The following PCDHGB1 variants were observed in gnomAD, a reference collection of about 807,000 sequenced individuals.
The protein encoded by PCDHGB1 is protocadherin gamma subfamily B, 1.
In PCDHGB1, 34 loss-of-function variants were observed where a neutral mutation model predicts 56.6. That is an observed-to-expected ratio of 0.60 (90% CI 0.46 to 0.80). PCDHGB1 has a LOEUF of 0.80. Among genes scored for constraint, PCDHGB1 ranks in the 30% least tolerant of loss-of-function variants. The pLI is 0.00. For synonymous variants in PCDHGB1, 561 were observed against 505.9 expected (o/e 1.11, Z -1.46); for missense variants, 1,278 against 1,204.6 (o/e 1.06, Z -0.90).
chr5:141,356,312 T>A (rs956800097), intron 1 of PCDHGB1: 4 of 1,554,200 alleles, frequency 2.6e-6, no homozygotes, highest in Middle Eastern at 1.7e-4. Flanking sequence ...CTTTTCAACG[T>A]GCATGACAGT....
chr5:141,441,800 G>T, intron 1 of PCDHGB1: 1 of 382,594 alleles, frequency 2.6e-6, no homozygotes, highest in Non-Finnish European at 5.2e-6. Flanking sequence ...ACGCACCGCG[G>T]GTGCTGTACC....
chr5:141,472,750 C>T (rs967243815), intron 1 of PCDHGB1, among the ~76,000 whole-genome samples: 3 of 151,882 alleles, frequency 2.0e-5, no homozygotes, highest in Non-Finnish European at 2.9e-5. Context: ...CTTTGGGAGG[C>T]GGAGGCTGGC....
intron 1 of PCDHGB1, chr5:141,375,586 G>A: frequency 6.2e-7 from 1 of 1,614,128 alleles, no homozygotes; most frequent in Non-Finnish European, 8.5e-7. Flanking sequence ...GGGCGCCCCT[G>A]TCCTCCTACG....
chr5:141,423,758 G>GGGT, intron 1 of PCDHGB1: 1 of 366,842 alleles, frequency 2.7e-6, no homozygotes, highest in Non-Finnish European at 3.8e-6. Context: ...TTTGGGGGGG[G>GGGT]GGTGGGGCGG....
Position 141,486,862 on chromosome 5 carries a change from A to G in PCDHGB1, c.2410-7945A>G. The G allele has an allele frequency of 6.2e-7, 1 of 1,614,256 alleles. No individual in the cohort carries two copies. The highest frequency in any genetic ancestry group is 1.3e-5 in the African/African-American group (1 of 75,078). On this transcript the variant is annotated intron_variant, in intron 1 of 3. Transcript: ENST00000523390. This position sits in a 1 kb window ranked among gnomAD's most constrained non-coding sequence, Gnocchi z 5.0. Reference sequence around the variant, plus strand: ...TGCTGGACCTCAATGACAATGCTCCAGCTGTGCTCCGTCCTCGGGCCCGGC... The same window carrying G: ...TGCTGGACCTCAATGACAATGCTCCGGCTGTGCTCCGTCCTCGGGCCCGGC...
rs1758506119 is a variant in PCDHGB1, at chr5:141,350,568, T to C, written c.308T>C (p.Phe103Ser). The C allele has an allele frequency of 6.2e-7, 1 of 1,614,036 alleles. No individual in the cohort carries two copies. Among genetic ancestry groups the C allele is most frequent in the Non-Finnish European group, 8.5e-7 (1 of 1,179,894 alleles). The change falls in exon 1 of 4, where the codon TTC becomes TCC. Residue 103 changes from phenylalanine (F) to serine (S), a missense_variant. Physicochemically the swap from Phe to Ser is radical, Grantham distance 155. Coordinates refer to ENST00000523390, the MANE Select transcript of PCDHGB1 (RefSeq NM_018922.3). The stretch of plus-strand genomic sequence containing the variant: ...AGGAAACTTGAGTGTGCACTAGAAT[T>C]CGAAACGGTCGCTGAAAACCCAATG... ...CGRKLECALE[F>S]ETVAENPMNV...
At chr5:141,388,324 A>T in intron 1 of PCDHGB1, 1 of 1,613,978 alleles carries the variant, frequency 6.2e-7, no homozygotes, top group East Asian at 2.2e-5. Flanking sequence ...GAGTCTGCAC[A>T]GCCTGGCACA....
chr5:141,421,650 A>G, intron 1 of PCDHGB1: 1 of 1,613,868 alleles, frequency 6.2e-7, no homozygotes, highest in South Asian at 1.1e-5. Flanking sequence ...AAGTGGAGAT[A>G]AAAGTCAGTG....
At chr5:141,409,153 G>A in intron 1 of PCDHGB1, 1 of 1,614,026 alleles carries the variant, frequency 6.2e-7, no homozygotes. Context: ...GGTACACCAT[G>A]GAAGTGGAAG....
chr5:141,475,381 T>G (rs1182018899), intron 1 of PCDHGB1, among the ~76,000 whole-genome samples: 3 of 152,226 alleles, frequency 2.0e-5, no homozygotes, highest in Non-Finnish European at 4.4e-5. Flanking sequence ...ACTTTTAAAT[T>G]TTATAAGCCA....
chr5:141,485,278 C>T lies in PCDHGB1; in HGVS notation c.2410-9529C>T. On this transcript the variant is annotated intron_variant, in intron 1 of 3. Transcript: ENST00000523390. The surrounding 1 kb of genome is among the most constrained non-coding windows in gnomAD (Gnocchi z 5.7). ...TTTGTGGGCAGATCCGCTACCCGGTCCCAGAGGAGTCACAGGAAGGGACTT... is the reference window on the plus strand; with the variant it reads ...TTTGTGGGCAGATCCGCTACCCGGTTCCAGAGGAGTCACAGGAAGGGACTT... 1 of 1,614,064 alleles carries T rather than the reference C, an allele frequency of 6.2e-7. No homozygotes were observed. The highest frequency in any genetic ancestry group is 1.1e-5 in the South Asian group (1 of 91,080).
At chr5:141,451,018 C>T (rs1307161489) in intron 1 of PCDHGB1, among the ~76,000 whole-genome samples, 7 of 151,264 alleles carry the variant, frequency 4.6e-5, no homozygotes, top group African/African-American at 1.5e-4. Flanking sequence ...TTAGTAGAGA[C>T]GAGGTTTCAC....
chr5:141,464,184 G>T (rs1348739162), intron 1 of PCDHGB1, among the ~76,000 whole-genome samples: 1 of 150,316 alleles, frequency 6.7e-6, no homozygotes, highest in Non-Finnish European at 1.5e-5. Flanking sequence ...AGAATTGCTT[G>T]ATTTCAGGAG....
chr5:141,403,442 G>C (rs565143998), intron 1 of PCDHGB1: 1 of 1,614,024 alleles, frequency 6.2e-7, no homozygotes, highest in East Asian at 2.2e-5. Flanking sequence ...GGATGTTGGC[G>C]TGAACTCCCT....
At chr5:141,427,969 A>G (rs1239461810) in intron 1 of PCDHGB1, 1 of 1,591,942 alleles carries the variant, frequency 6.3e-7, no homozygotes, top group Admixed American at 1.7e-5. Context: ...CGGGTGCTGT[A>G]CCCCGCGCTG....
chr5:141,375,040 T>C (rs1771075321), intron 1 of PCDHGB1: 4 of 1,614,056 alleles, frequency 2.5e-6, no homozygotes, highest in Non-Finnish European at 3.4e-6. Flanking sequence ...AGCTGGGTGT[T>C]GAAGCCCGGG....
chr5:141,512,068 C>T lies in PCDHGB1; in HGVS notation c.*895C>T, dbSNP rs1215311369. 6.6e-6 allele frequency: 1 copy of T among 152,664 alleles called. No individual in the cohort carries two copies. The highest frequency in any genetic ancestry group is 1.5e-5 in the Non-Finnish European group (1 of 68,066). The allele number at this position is 152,664 out of a possible 1,614,324, so 9.5% of individuals were successfully genotyped here. On this transcript the variant is annotated 3_prime_UTR_variant, in exon 4 of 4. Transcript: ENST00000523390. The stretch of plus-strand genomic sequence containing the variant: ...TCCTCAGGGGACTGACAACATCCTC[C>T]AGATTCCAGCCATAAACCAATAACT...
chr5:141,457,058 T>C (rs756862311), intron 1 of PCDHGB1, among the ~76,000 whole-genome samples: 1 of 152,230 alleles, frequency 6.6e-6, no homozygotes, highest in South Asian at 2.1e-4. Flanking sequence ...TCATGCTTCC[T>C]TTTTGCCAGT....
At chr5:141,462,144 G>A (rs984269848) in intron 1 of PCDHGB1, among the ~76,000 whole-genome samples, 1 of 152,042 alleles carries the variant, frequency 6.6e-6, no homozygotes, top group South Asian at 2.1e-4. Context: ...ATTTTTAGTA[G>A]AGATGGGGTT....
Sources: gnomAD v4.1 joint callset for allele counts (sites outside exome capture counted in the v4.1 genomes callset) on GRCh38, gnomAD v4.1.1 for gene constraint, Gnocchi (gnomAD v3.1) non-coding constraint, MANE v1.5 for transcripts, NCBI Gene and HGNC (gene_info 2026-07-23, HGNC 2026-07-21) for gene names.